The following TTC28 variants were observed in gnomAD, a reference collection of about 807,000 sequenced individuals.
The protein encoded by TTC28 is tetratricopeptide repeat protein 28.
TTC28 carries 61 observed loss-of-function variants against 198.0 expected under a neutral mutation model. The observed-to-expected ratio is 0.31, with a 90% CI of 0.25 to 0.38. The LOEUF (loss-of-function observed/expected upper bound fraction) is 0.38. Ranked by LOEUF, TTC28 falls within the 10% of genes least tolerant of loss-of-function variation. TTC28 has a pLI of 1.00. For synonymous variants in TTC28, 1,171 were observed against 1,297.8 expected, an observed-to-expected ratio of 0.90 and a Z score of 2.10; for missense variants, 2,678 against 3,164.0, an observed-to-expected ratio of 0.85 and a Z score of 3.69.
intron 2 of TTC28, among the ~76,000 whole-genome samples, chr22:28,412,158 C>T (rs1174493989): frequency 6.6e-6 from 1 of 152,208 alleles, no homozygotes; most frequent in Non-Finnish European, 1.5e-5. Context: ...ACAAAACTGC[C>T]TTCAGATATC....
intron 1 of TTC28, among the ~76,000 whole-genome samples, chr22:28,647,696 G>A (rs1416179432): frequency 1.3e-5 from 2 of 151,214 alleles, no homozygotes; most frequent in Admixed American, 6.6e-5. Context: ...AAAATTAGCC[G>A]GGTGTGGTGG....
intron 5 of TTC28, among the ~76,000 whole-genome samples, chr22:28,249,323 A>G (rs1366814794): frequency 6.6e-6 from 1 of 152,164 alleles, no homozygotes; most frequent in East Asian, 1.9e-4. Flanking sequence ...AGTATCTGGC[A>G]CGCAGGAAAA....
chr22:28,401,391 G>A (rs190654369), intron 2 of TTC28, among the ~76,000 whole-genome samples: 13 of 152,172 alleles, frequency 8.5e-5, no homozygotes, highest in Admixed American at 4.6e-4. Context: ...CGACGTGGGC[G>A]GATCATCTGA....
chr22:28,034,038 A>G (rs1479821874), intron 12 of TTC28, among the ~76,000 whole-genome samples: 3 of 152,260 alleles, frequency 2.0e-5, no homozygotes, highest in Non-Finnish European at 2.9e-5. Context: ...AGAGAGGAGA[A>G]GGGAATGAAA....
At chr22:28,018,254 T>C (rs1938446587) in intron 13 of TTC28, among the ~76,000 whole-genome samples, 1 of 126,132 alleles carries the variant, frequency 7.9e-6, no homozygotes, top group Non-Finnish European at 1.6e-5. Context: ...AGTGTGTGTG[T>C]GTGTGTGTGT....
chr22:27,989,269 T>A (rs575561412), intron 21 of TTC28, among the ~76,000 whole-genome samples: 7 of 152,292 alleles, frequency 4.6e-5, no homozygotes, highest in Non-Finnish European at 8.8e-5. Flanking sequence ...CAGAGGTGGT[T>A]TCAATAGTAC....
At chr22:28,265,129 G>GA (rs1931598215) in intron 5 of TTC28, among the ~76,000 whole-genome samples, 1 of 152,082 alleles carries the variant, frequency 6.6e-6, no homozygotes, top group Non-Finnish European at 1.5e-5. Context: ...ATACATTTAT[G>GA]AATCCTGTGC....
Position 27,993,492 on chromosome 22 carries a change from C to G in TTC28, c.5271G>C (p.Gln1757His). ...TGTACATGGCATTGCGCTGCCCATTCTGGATGCGCTGCAGGGATTTCTCCA... is the reference window on the plus strand; with the variant it reads ...TGTACATGGCATTGCGCTGCCCATTGTGGATGCGCTGCAGGGATTTCTCCA... ...HLVEKSLQRI[Q>H]NGQRNAMYTS... is the part of the protein sequence containing the mutation. Residue 1757 changes from glutamine (Q) to histidine (H), a missense_variant, in exon 18 of 23, where the codon CAG (glutamine) becomes CAC (histidine). Gln to His is a conservative substitution (Grantham distance 24). This residue lies in a region of TTC28 where 314 missense variants were observed against 442.7 expected (regional missense o/e 0.71). Coordinates refer to ENST00000397906, the MANE Select transcript of TTC28 (RefSeq NM_001145418.2). The G allele has an allele frequency of 6.5e-7, 1 of 1,548,296 alleles. No individual in the cohort carries two copies. Among genetic ancestry groups the G allele is most frequent in the Non-Finnish European group, 8.7e-7 (1 of 1,144,656 alleles).
chr22:28,541,616 A>G (rs1441900275), intron 2 of TTC28, among the ~76,000 whole-genome samples: 2 of 152,208 alleles, frequency 1.3e-5, no homozygotes, highest in African/African-American at 2.4e-5. Flanking sequence ...TGACCTGAAG[A>G]AAAATTAATA....
chr22:28,542,232 C>T (rs1332822832), intron 2 of TTC28, among the ~76,000 whole-genome samples: 4 of 152,008 alleles, frequency 2.6e-5, no homozygotes, highest in African/African-American at 9.7e-5. Context: ...CAGAAGATCA[C>T]TAAATCTGAA....
chr22:28,356,569 C>T (rs1256087216), intron 2 of TTC28, among the ~76,000 whole-genome samples: 1 of 152,156 alleles, frequency 6.6e-6, no homozygotes, highest in Non-Finnish European at 1.5e-5. Context: ...ATTTGTGCTC[C>T]CTCAGGCATG....
intron 2 of TTC28, among the ~76,000 whole-genome samples, chr22:28,405,600 T>A (rs181671517): frequency 3.9e-5 from 6 of 152,344 alleles, no homozygotes; most frequent in Admixed American, 3.9e-4. Context: ...CTAACAATTT[T>A]ACTGTGTAGT....
chr22:28,427,899 C>G (rs898559058), intron 2 of TTC28, among the ~76,000 whole-genome samples: 2 of 152,164 alleles, frequency 1.3e-5, no homozygotes, highest in South Asian at 2.1e-4. Flanking sequence ...TTCTCAGAAC[C>G]CTCACAATGT....
intron 2 of TTC28, among the ~76,000 whole-genome samples, chr22:28,331,549 A>G (rs1788238261): frequency 6.6e-6 from 1 of 152,132 alleles, no homozygotes; most frequent in African/African-American, 2.4e-5. Context: ...ATATACATAT[A>G]GCCTAATACA....
chr22:28,416,012 G>C (rs1223896190), intron 2 of TTC28, among the ~76,000 whole-genome samples: 1 of 152,166 alleles, frequency 6.6e-6, no homozygotes, highest in East Asian at 1.9e-4. Context: ...AAAAGCCCTA[G>C]AGTAAGAAAG....
chr22:28,122,744 G>A (rs1225097318), intron 6 of TTC28, among the ~76,000 whole-genome samples: 1 of 152,146 alleles, frequency 6.6e-6, no homozygotes, highest in Non-Finnish European at 1.5e-5. Context: ...TAGATCATTC[G>A]TTATAGATTT....
rs5762524 is a variant in TTC28, at chr22:28,218,364, T to C, written c.934-54765A>G. On this transcript the variant is annotated intron_variant, in intron 5 of 22. Coordinates refer to ENST00000397906, the MANE Select transcript of TTC28 (RefSeq NM_001145418.2). ...CATCAAGAAAATAAGTGTTGGGAAG[T>C]TGTCAAGCTCTCACAGTCACGGTGG... Among the ~76,000 whole-genome samples, 186 of 152,240 alleles carry C rather than the reference T, an allele frequency of 1.2e-3. 3 individuals carry two copies. The East Asian group carries it at 0.013, about 11-fold the overall frequency.
chr22:28,179,159 T>G (rs1031001524), intron 5 of TTC28, among the ~76,000 whole-genome samples: 2 of 147,574 alleles, frequency 1.4e-5, no homozygotes, highest in Non-Finnish European at 3.0e-5. Context: ...TTTGTTTTTT[T>G]GTTTTGTTTT....
chr22:28,423,316 G>C lies in TTC28; in HGVS notation c.382-116673C>G, dbSNP rs570362224. Among the ~76,000 whole-genome samples the C allele has an allele frequency of 3.3e-5, 5 of 152,252 alleles. No individual in the cohort carries two copies. In the East Asian group the frequency reaches 9.6e-4, roughly 29 times the overall value. On this transcript the variant is annotated intron_variant, in intron 2 of 22. Coordinates refer to ENST00000397906, the MANE Select transcript of TTC28 (RefSeq NM_001145418.2). The stretch of plus-strand genomic sequence containing the variant: ...GAGGCAGGAGGATTGCTTGAACCCA[G>C]GAGGCAGAGGTTGCAGTGAGCCAAG...
Sources: gnomAD v4.1 joint callset for allele counts (sites outside exome capture counted in the v4.1 genomes callset) on GRCh38, gnomAD v4.1.1 for gene constraint, gnomAD v4.1.1 regional missense constraint, MANE v1.5 for transcripts, NCBI Gene and HGNC (gene_info 2026-07-23, HGNC 2026-07-21) for gene names.